Variants in KCNH7 observed in about 807,000 individuals in gnomAD.
KCNH7 encodes the protein voltage-gated inwardly rectifying potassium channel KCNH7.
In KCNH7, 49 loss-of-function variants were observed where a neutral mutation model predicts 120.8. That is an observed-to-expected ratio of 0.41 (90% CI 0.32 to 0.51). KCNH7 has a LOEUF of 0.51. Ranked by LOEUF, KCNH7 falls within the 20% of genes least tolerant of loss-of-function variation. KCNH7 has a pLI of 0.38. For missense variants in KCNH7, 1,097 were observed against 1,446.6 expected (o/e 0.76, Z 3.92); for synonymous variants, 547 against 516.1 (o/e 1.06, Z -0.81).
In KCNH7 at chr2:162,838,552, G is replaced by T; in HGVS notation, c.-34C>A. On this transcript the variant is annotated 5_prime_UTR_variant, in exon 1 of 16. Coordinates refer to ENST00000332142, the MANE Select transcript of KCNH7 (RefSeq NM_033272.4). ...CGGTCTTCCGAGGAGCGCTCCCCCG[G>T]AGCTCTGGAGTTCTCCCGGGATCTC... 1.3e-6 allele frequency: 2 copies of T among 1,567,520 alleles called. No homozygotes were observed. The highest frequency in any genetic ancestry group is 2.2e-5 in the East Asian group (1 of 44,606).
At chr2:162,528,691 G>T (rs935410303) in intron 3 of KCNH7, among the ~76,000 whole-genome samples, 4 of 151,928 alleles carry the variant, frequency 2.6e-5, no homozygotes, top group African/African-American at 9.7e-5. Flanking sequence ...GAGGACCATT[G>T]TAAAAGATAT....
At chr2:162,709,683 A>G (rs1686848896) in intron 2 of KCNH7, among the ~76,000 whole-genome samples, 2 of 151,708 alleles carry the variant, frequency 1.3e-5, no homozygotes, top group South Asian at 4.2e-4. Context: ...CCCAAGGCAA[A>G]CTCTATCTTT....
chr2:162,434,089 G>A lies in KCNH7; in HGVS notation c.1954+1109C>T, dbSNP rs374885049. The stretch of plus-strand genomic sequence containing the variant: ...AGCATGTCCTTTGCAGCAACATGGC[G>A]GCAGCTGGAGGCCATTATCCTAAGT... On this transcript the variant is annotated intron_variant, in intron 8 of 15. Transcript: ENST00000332142. Among the ~76,000 whole-genome samples, 9 of 152,022 alleles carry A rather than the reference G, an allele frequency of 5.9e-5. No individual in the cohort carries two copies. The East Asian group carries it at 9.7e-4, about 16-fold the overall frequency.
intron 9 of KCNH7, among the ~76,000 whole-genome samples, chr2:162,417,981 G>A (rs1325351831): frequency 6.6e-6 from 1 of 152,136 alleles, no homozygotes; most frequent in Admixed American, 6.5e-5. Flanking sequence ...AGCACCTGCT[G>A]TTCAGGGGCT....
intron 2 of KCNH7, among the ~76,000 whole-genome samples, chr2:162,800,272 T>G (rs542978997): frequency 3.3e-5 from 5 of 151,918 alleles, no homozygotes; most frequent in Admixed American, 1.3e-4. Flanking sequence ...AATATTTAAG[T>G]GTAAATATTT....
chr2:162,429,960 TTTTCTG>T lies in KCNH7; in HGVS notation c.1954+5232_1954+5237del, dbSNP rs57209280. Among the ~76,000 whole-genome samples, 385 of 151,954 alleles carry T rather than the reference TTTTCTG, an allele frequency of 2.5e-3. 1 individual carries two copies. Among genetic ancestry groups the T allele is most frequent in the African/African-American group, 8.6e-3 (358 of 41,500 alleles). ...TTTTTTTTCCTGTTAAGAATCACAT[TTTTCTG>T]TTTCTTATAATAGCTCTTAAATTTT... On this transcript the variant is annotated intron_variant, in intron 8 of 15. Transcript: ENST00000332142.
At position 162,409,719 on chromosome 2, in the gene KCNH7, C is replaced by CAGATATGGT. The variant is rs1198271186; in HGVS notation, c.2155-9287_2155-9279dup. On this transcript the variant is annotated intron_variant, in intron 9 of 15. Coordinates refer to ENST00000332142, the MANE Select transcript of KCNH7 (RefSeq NM_033272.4). ...ACAGAATACTTCTAGGTTTAATAAA[C>CAGATATGGT]AGATATGGTAAACTTTCAGGATACA... Among the ~76,000 whole-genome samples the CAGATATGGT allele has an allele frequency of 4.6e-5, 7 of 151,982 alleles. No individual in the cohort carries two copies. In the East Asian group the frequency reaches 1.2e-3, roughly 25 times the overall value.
intron 2 of KCNH7, among the ~76,000 whole-genome samples, chr2:162,684,507 A>C (rs1187598822): frequency 6.6e-6 from 1 of 152,136 alleles, no homozygotes; most frequent in East Asian, 1.9e-4. Flanking sequence ...TTACAAGAAA[A>C]AAACAAACAA....
intron 5 of KCNH7, 62 bp downstream of exon 5, chr2:162,512,592 T>C: frequency 6.7e-7 from 1 of 1,500,510 alleles, no homozygotes. Context: ...GCAGGCAAGT[T>C]AACATGCCGA....
At chr2:162,624,066 C>T (rs953525536) in intron 2 of KCNH7, among the ~76,000 whole-genome samples, 8 of 152,150 alleles carry the variant, frequency 5.3e-5, no homozygotes, top group Non-Finnish European at 1.0e-4. Flanking sequence ...TGTATACAAA[C>T]TCTATACACT....
intron 2 of KCNH7, among the ~76,000 whole-genome samples, chr2:162,659,965 T>C (rs1414696937): frequency 6.6e-6 from 1 of 152,172 alleles, no homozygotes; most frequent in Non-Finnish European, 1.5e-5. Flanking sequence ...AAGGAATGTG[T>C]AGTGATGTCT....
At chr2:162,813,357 C>T (rs1366474456) in intron 2 of KCNH7, among the ~76,000 whole-genome samples, 2 of 152,174 alleles carry the variant, frequency 1.3e-5, no homozygotes, top group Admixed American at 6.6e-5. Context: ...ATCAGGTACA[C>T]TCCTCTATAT....
At chr2:162,565,522 A>T (rs1244863847) in intron 2 of KCNH7, among the ~76,000 whole-genome samples, 1 of 152,032 alleles carries the variant, frequency 6.6e-6, no homozygotes, top group Non-Finnish European at 1.5e-5. Context: ...GTAAAATAAG[A>T]TGGAAAGAAA....
At chr2:162,772,171 G>T (rs973973248) in intron 2 of KCNH7, among the ~76,000 whole-genome samples, 1 of 152,070 alleles carries the variant, frequency 6.6e-6, no homozygotes, top group African/African-American at 2.4e-5. Context: ...TGTTATCCTA[G>T]GCCAAAAATA....
At chr2:162,719,846 C>T (rs922094603) in intron 2 of KCNH7, among the ~76,000 whole-genome samples, 1 of 151,950 alleles carries the variant, frequency 6.6e-6, no homozygotes, top group Non-Finnish European at 1.5e-5. Context: ...AGACTTACCC[C>T]CCATGTTAAG....
chr2:162,644,110 A>G (rs887794396), intron 2 of KCNH7, among the ~76,000 whole-genome samples: 1 of 150,700 alleles, frequency 6.6e-6, no homozygotes. Context: ...TCAACTGTCC[A>G]TGGTAAAAGG....
At chr2:162,380,321 C>T (rs1686372072) in intron 13 of KCNH7, among the ~76,000 whole-genome samples, 1 of 152,066 alleles carries the variant, frequency 6.6e-6, no homozygotes, top group Non-Finnish European at 1.5e-5. Flanking sequence ...ACAGCAGAAC[C>T]AAAACTGATT....
chr2:162,733,082 A>T (rs1687781251), intron 2 of KCNH7, among the ~76,000 whole-genome samples: 1 of 152,148 alleles, frequency 6.6e-6, no homozygotes, highest in Admixed American at 6.5e-5. Context: ...ATGGTATTAG[A>T]GCTCTGGGGC....
chr2:162,736,953 T>C (rs1687936335), intron 2 of KCNH7, among the ~76,000 whole-genome samples: 1 of 152,136 alleles, frequency 6.6e-6, no homozygotes, highest in Non-Finnish European at 1.5e-5. Flanking sequence ...ATTACCCAAT[T>C]ATATTCATAG....
Sources: gnomAD v4.1 joint callset for allele counts (sites outside exome capture counted in the v4.1 genomes callset) on GRCh38, gnomAD v4.1.1 for gene constraint, MANE v1.5 for transcripts, NCBI Gene and HGNC (gene_info 2026-07-23, HGNC 2026-07-21) for gene names.